NAA25: variants seen among roughly 807,000 people sequenced by gnomAD.
The protein encoded by NAA25 is N-terminal acetyltransferase B complex subunit NAA25.
NAA25 carries 30 observed loss-of-function variants against 132.5 expected under a neutral mutation model. The observed-to-expected ratio is 0.23, with a 90% CI of 0.17 to 0.31. The LOEUF (loss-of-function observed/expected upper bound fraction) is 0.31, where lower values mean the gene tolerates loss of function less well. Ranked by LOEUF, NAA25 falls within the 10% of genes least tolerant of loss-of-function variation. NAA25 has a pLI of 1.00. For synonymous variants in NAA25, 359 were observed against 401.9 expected (o/e 0.89, Z 1.28); for missense variants, 771 against 1,150.4 (o/e 0.67, Z 4.77).
At chr12:112,033,123 G>C in intron 23 of NAA25, 110 bp downstream of exon 23, 1 of 1,283,250 alleles carries the variant, frequency 7.8e-7, no homozygotes. Context: ...GTCTTATAAA[G>C]AGGAAATGAT....
At chr12:112,045,536 T>C (rs1309392786) in intron 17 of NAA25, among the ~76,000 whole-genome samples, 1 of 147,914 alleles carries the variant, frequency 6.8e-6, no homozygotes, top group Admixed American at 6.8e-5. Flanking sequence ...AGCTCACACC[T>C]ATAATCACAG....
At chr12:112,044,875 TAAAAAAAA>T (rs879272275) in intron 17 of NAA25, among the ~76,000 whole-genome samples, 6 of 106,966 alleles carry the variant, frequency 5.6e-5, no homozygotes, top group Non-Finnish European at 9.8e-5. Context: ...ACCCAGTCTC[TAAAAAAAA>T]AAAAAAAAAA....
rs189570416 is a variant in NAA25 at position 112,070,896 on chromosome 12, G to A, written c.1036+999C>T. 4.1e-4 allele frequency among the ~76,000 whole-genome samples: 62 copies of A among 152,328 alleles called. No homozygotes were observed. In the East Asian group the frequency reaches 0.01, roughly 26 times the overall value. ...CAAGTAGCTGTAACTACAGGCGTGT[G>A]CCACCATGCCTGGCTAATTTTTGTA... On this transcript the variant is annotated intron_variant, in intron 10 of 23. Coordinates refer to ENST00000261745, the MANE Select transcript of NAA25 (RefSeq NM_024953.4).
intron 2 of NAA25, among the ~76,000 whole-genome samples, chr12:112,092,640 A>T (rs919286824): frequency 6.6e-6 from 1 of 151,338 alleles, no homozygotes; most frequent in Non-Finnish European, 1.5e-5. Context: ...AACAAAAGAC[A>T]CTAATAGTCA....
chr12:112,080,052 G>A (rs558116306), intron 5 of NAA25, among the ~76,000 whole-genome samples: 1 of 149,402 alleles, frequency 6.7e-6, no homozygotes, highest in African/African-American at 2.5e-5. Context: ...AGGCCGAGGC[G>A]GGCGGATCAC....
At chr12:112,075,215 T>G (rs2078879245) in intron 8 of NAA25, among the ~76,000 whole-genome samples, 2 of 147,612 alleles carry the variant, frequency 1.4e-5, no homozygotes. Context: ...TGAGATGGAG[T>G]CTCATTGTTG....
chr12:112,057,728 C>T (rs1207874564), intron 13 of NAA25, among the ~76,000 whole-genome samples: 3 of 152,152 alleles, frequency 2.0e-5, no homozygotes, highest in Non-Finnish European at 4.4e-5. Flanking sequence ...CAGTGGCTCA[C>T]GCCTATAATC....
intron 4 of NAA25, among the ~76,000 whole-genome samples, chr12:112,083,933 T>C (rs1566025817): frequency 6.6e-6 from 1 of 152,118 alleles, no homozygotes; most frequent in Admixed American, 6.5e-5. Context: ...CTTGAGAATA[T>C]GGGAAAACAT....
chr12:112,083,581 A>G lies in NAA25; in HGVS notation c.403-2447T>C, dbSNP rs143255704. 3.9e-5 allele frequency among the ~76,000 whole-genome samples: 6 copies of G among 152,306 alleles called. No homozygotes were observed. In the East Asian group the frequency reaches 9.6e-4, roughly 24 times the overall value. On this transcript the variant is annotated intron_variant, in intron 4 of 23. Coordinates refer to ENST00000261745, the MANE Select transcript of NAA25 (RefSeq NM_024953.4). ...AGAATAAACATGATCTAGAGACGACAAGGACATACAGGATAGGAGAGTCTA... is the reference window on the plus strand; with the variant it reads ...AGAATAAACATGATCTAGAGACGACGAGGACATACAGGATAGGAGAGTCTA...
chr12:112,059,122 A>C (rs1417974903), intron 13 of NAA25, among the ~76,000 whole-genome samples: 56 of 100,360 alleles, frequency 5.6e-4, no homozygotes, highest in African/African-American at 2.0e-3. Flanking sequence ...AAAAAAAAAA[A>C]ACTAGCTGGG....
At chr12:112,054,678 T>C in intron 13 of NAA25, 110 bp from the exon 14 acceptor site, 1 of 1,035,630 alleles carries the variant, frequency 9.7e-7, no homozygotes, top group Non-Finnish European at 1.4e-6. Context: ...TAAATGAAGT[T>C]AAATGACAGA....
intron 9 of NAA25, among the ~76,000 whole-genome samples, chr12:112,072,801 G>A (rs1483409971): frequency 6.6e-6 from 1 of 151,854 alleles, no homozygotes; most frequent in Non-Finnish European, 1.5e-5. Context: ...GCCAATTGTG[G>A]TGGCACACAC....
intron 3 of NAA25, among the ~76,000 whole-genome samples, chr12:112,088,304 T>TA: frequency 6.7e-6 from 1 of 148,532 alleles, no homozygotes; most frequent in Non-Finnish European, 1.5e-5. Flanking sequence ...CTTATATAAG[T>TA]AAGTATATTG....
At chr12:112,054,658 C>A (rs562317041) in intron 13 of NAA25, 90 bp from the exon 14 acceptor site, 2 of 1,057,574 alleles carry the variant, frequency 1.9e-6, no homozygotes, top group African/African-American at 1.8e-5. Context: ...GACATCATCA[C>A]CCCCCCCAAT....
At position 112,029,306 on chromosome 12, in the gene NAA25, A is replaced by G; in HGVS notation, c.*225T>C. 1.8e-6 allele frequency: 1 copy of G among 566,728 alleles called. No individual in the cohort carries two copies. Among genetic ancestry groups the G allele is most frequent in the Non-Finnish European group, 3.0e-6 (1 of 331,874 alleles). The allele number at this position is 566,728 out of a possible 1,614,324, so 35.1% of individuals were successfully genotyped here. A position where few individuals can be genotyped will look rare whatever the true frequency, so the allele number is the denominator to read the frequency against. On this transcript the variant is annotated 3_prime_UTR_variant, in exon 24 of 24. Coordinates refer to ENST00000261745, the MANE Select transcript of NAA25 (RefSeq NM_024953.4). ...TGCTGCCATATGCATATGAACATGT[A>G]TAAAAAGTGGTCAAACCCAGATGAG...
In NAA25 at chr12:112,078,708, T is replaced by C. The variant is rs771979388; in HGVS notation, c.511A>G (p.Thr171Ala). Reference sequence around the variant, plus strand: ...CTCTCAGCAAGGGGCAGAAACATTGTTTTTGAGAGGTTTTCATCCTGTGCC... The same window carrying C: ...CTCTCAGCAAGGGGCAGAAACATTGCTTTTGAGAGGTTTTCATCCTGTGCC... The part of the protein sequence containing the change: ...ISAQDENLSK[T>A]MFLPLAERMV... Residue 171 changes from threonine (T) to alanine (A), a missense_variant, in exon 6 of 24, where the codon ACA becomes GCA. Coordinates refer to ENST00000261745, the MANE Select transcript of NAA25 (RefSeq NM_024953.4). The C allele has an allele frequency of 6.2e-7, 1 of 1,614,052 alleles. No individual in the cohort carries two copies. The highest frequency in any genetic ancestry group is 8.5e-7 in the Non-Finnish European group (1 of 1,179,938).
chr12:112,101,961 G>A (rs921624742), intron 1 of NAA25, among the ~76,000 whole-genome samples: 1 of 150,952 alleles, frequency 6.6e-6, no homozygotes, highest in African/African-American at 2.4e-5. Flanking sequence ...CCACCTCCTG[G>A]GTTCAAGCTA....
Position 112,047,754 on chromosome 12 carries a change from G to C in NAA25, c.1917C>G (p.Asn639Lys). The C allele has an allele frequency of 6.2e-7, 1 of 1,613,452 alleles. No homozygotes were observed. The highest frequency in any genetic ancestry group is 8.5e-7 in the Non-Finnish European group (1 of 1,179,724). Residue 639 changes from asparagine (N) to lysine (K), a missense_variant, in exon 17 of 24, where the codon AAC becomes AAG. Asn to Lys is a moderately conservative substitution (Grantham distance 94). Transcript: ENST00000261745. ...TSLAESIKSM[N>K]LRPEEDDIPW... ...GAATGTCATCTTCTTCTGGCCTAAG[G>C]TTCATTGACTTTATACTTTCTGCTA...
intron 10 of NAA25, chr12:112,069,235 A>G (rs1021581796): frequency 1.0e-5 from 4 of 386,208 alleles, no homozygotes; most frequent in African/African-American, 2.1e-5. Flanking sequence ...GGCTGGATGC[A>G]GTAGCTCACA....
Sources: gnomAD v4.1 joint callset for allele counts (sites outside exome capture counted in the v4.1 genomes callset) on GRCh38, gnomAD v4.1.1 for gene constraint, MANE v1.5 for transcripts, NCBI Gene and HGNC (gene_info 2026-07-23, HGNC 2026-07-21) for gene names.